SGCD: variants seen among roughly 807,000 people sequenced by gnomAD.
SGCD encodes the protein sarcoglycan delta.
In SGCD, 18 loss-of-function variants were observed where a neutral mutation model predicts 36.6. The ratio of observed to expected loss-of-function variants is 0.49; its 90% confidence interval spans 0.34 to 0.73. SGCD has a LOEUF of 0.73. SGCD is among the 30% of genes least tolerant of loss of function. The pLI, the probability that SGCD is intolerant of heterozygous loss-of-function variation, is 0.01. For missense variants in SGCD, 387 were observed against 346.7 expected (o/e 1.12, Z -0.92); for synonymous variants, 133 against 130.6 (o/e 1.02, Z -0.12).
At chr5:156,346,158 G>T (rs2127718070) in intron 3 of SGCD, among the ~76,000 whole-genome samples, 1 of 152,050 alleles carries the variant, frequency 6.6e-6, no homozygotes, top group South Asian at 2.1e-4. Flanking sequence ...TACAGATACT[G>T]CTTCAGGCCT....
At chr5:156,517,647 C>G (rs185037880) in intron 4 of SGCD, among the ~76,000 whole-genome samples, 2 of 152,186 alleles carry the variant, frequency 1.3e-5, no homozygotes, top group African/African-American at 4.8e-5. Context: ...GCAGACCCCC[C>G]TCAGCAGAAA....
At chr5:156,747,844 C>T (rs1757004289) in intron 7 of SGCD, among the ~76,000 whole-genome samples, 1 of 152,152 alleles carries the variant, frequency 6.6e-6, no homozygotes, top group Admixed American at 6.5e-5. Context: ...TCACCACACA[C>T]ATTAAAGACA....
At chr5:156,437,127 G>A (rs745883422) in intron 3 of SGCD, among the ~76,000 whole-genome samples, 6 of 151,960 alleles carry the variant, frequency 3.9e-5, no homozygotes, top group Non-Finnish European at 2.9e-5. Context: ...CTGATTAGTA[G>A]TATTCATGGA....
At chr5:155,797,535 T>C in the SGCD span, among the ~76,000 whole-genome samples, 11 of 152,222 alleles carry the variant, frequency 7.2e-5, no homozygotes, top group Admixed American at 6.5e-4. Flanking sequence ...TAAATTTTTA[T>C]ATAAGTGGAC....
In SGCD at chr5:156,646,289, C is replaced by A. The variant is rs112372021; in HGVS notation, c.503-1175C>A. Among the ~76,000 whole-genome samples the A allele has an allele frequency of 3.1e-4, 47 of 152,328 alleles. 1 individual carries two copies. The highest frequency in any genetic ancestry group is 1.0e-3 in the African/African-American group (43 of 41,572). On this transcript the variant is annotated intron_variant, in intron 6 of 8. Transcript: ENST00000337851. ...ATTTGCCACCGCTGCCTGTCAGAAC[C>A]TATCTCCCTAGATTTTGCTGGCTTG...
chr5:156,571,885 A>C (rs1759740084), intron 4 of SGCD, among the ~76,000 whole-genome samples: 1 of 152,210 alleles, frequency 6.6e-6, no homozygotes, highest in South Asian at 2.1e-4. Context: ...CCCCAAACAG[A>C]AACGCCATAT....
At chr5:156,176,547 T>G (rs1033157152) in intron 3 of SGCD, among the ~76,000 whole-genome samples, 1 of 152,206 alleles carries the variant, frequency 6.6e-6, no homozygotes, top group African/African-American at 2.4e-5. Context: ...GTTTGTGATT[T>G]TTTTTTAAAG....
chr5:155,911,733 C>T (rs1299229950), intron 1 of SGCD, among the ~76,000 whole-genome samples: 2 of 152,018 alleles, frequency 1.3e-5, no homozygotes, highest in East Asian at 3.9e-4. Flanking sequence ...GTGATATCTC[C>T]TAGAATTCTG....
At chr5:156,653,539 A>G (rs1763557154) in intron 7 of SGCD, among the ~76,000 whole-genome samples, 1 of 122,922 alleles carries the variant, frequency 8.1e-6, no homozygotes, top group South Asian at 2.6e-4. Flanking sequence ...GGTAGCCCGG[A>G]CTGAGTCAGG....
chr5:155,911,319 GTA>G (rs1554103851), intron 1 of SGCD, among the ~76,000 whole-genome samples: 11 of 141,360 alleles, frequency 7.8e-5, no homozygotes, highest in Non-Finnish European at 7.6e-5. Flanking sequence ...GTGTGTGTGT[GTA>G]TATATATATA....
chr5:155,782,722 C>G, the SGCD span, among the ~76,000 whole-genome samples: 1 of 152,130 alleles, frequency 6.6e-6, no homozygotes, highest in East Asian at 1.9e-4. Context: ...CTTGTCAGAT[C>G]AGCGGTGGCA....
intron 3 of SGCD, among the ~76,000 whole-genome samples, chr5:156,291,005 G>A (rs1766743970): frequency 6.6e-6 from 1 of 152,086 alleles, no homozygotes; most frequent in Non-Finnish European, 1.5e-5. Context: ...CATAATCTGA[G>A]GATGCTCAGG....
the SGCD span, among the ~76,000 whole-genome samples, chr5:155,856,745 A>T: frequency 6.6e-6 from 1 of 152,338 alleles, no homozygotes; most frequent in South Asian, 2.1e-4. Flanking sequence ...AGGACGTAAA[A>T]GCATGATTAA....
chr5:155,780,866 A>G, the SGCD span, among the ~76,000 whole-genome samples: 1 of 152,196 alleles, frequency 6.6e-6, no homozygotes, highest in African/African-American at 2.4e-5. Flanking sequence ...ACTCTATGAT[A>G]TAGCGAGTCT....
the SGCD span, among the ~76,000 whole-genome samples, chr5:155,785,888 A>G: frequency 6.6e-6 from 1 of 152,194 alleles, no homozygotes; most frequent in African/African-American, 2.4e-5. Context: ...TCCAGATATT[A>G]TTACTATGAC....
At chr5:156,503,274 C>T (rs2127866283) in intron 3 of SGCD, among the ~76,000 whole-genome samples, 1 of 152,232 alleles carries the variant, frequency 6.6e-6, no homozygotes, top group East Asian at 1.9e-4. Context: ...CTCGTCATGG[C>T]ACACAGCACA....
chr5:156,020,352 A>T (rs1201048855), intron 1 of SGCD, among the ~76,000 whole-genome samples: 1 of 152,148 alleles, frequency 6.6e-6, no homozygotes, highest in African/African-American at 2.4e-5. Context: ...AAAGCCAAAA[A>T]CCTTAGAGAA....
intron 3 of SGCD, among the ~76,000 whole-genome samples, chr5:156,266,723 C>T (rs181200499): frequency 6.6e-6 from 1 of 151,556 alleles, no homozygotes. Context: ...ATAGATCTTC[C>T]CACCTCAGCC....
In SGCD at chr5:156,104,842, A is replaced by G. The variant is rs545493222; in HGVS notation, c.-281-13036A>G. On this transcript the variant is annotated intron_variant, in intron 1 of 9. Transcript: ENST00000517913. The stretch of plus-strand genomic sequence containing the variant: ...AAACCTTGGTTCCTTCATCTTTAAA[A>G]AGGAGATAATGCCAGTTAGTATTTT... Among the ~76,000 whole-genome samples, 6 of 152,364 alleles carry G rather than the reference A, an allele frequency of 3.9e-5. No homozygotes were observed. In the South Asian group the frequency reaches 1.0e-3, roughly 26 times the overall value.
Sources: allele counts gnomAD v4.1 joint callset (sites outside exome capture counted in the v4.1 genomes callset), GRCh38; gene constraint gnomAD v4.1.1; transcripts MANE v1.5; gene names NCBI Gene and HGNC (gene_info 2026-07-23, HGNC 2026-07-21).